PTPRD: variants seen among roughly 807,000 people sequenced by gnomAD.
PTPRD encodes the protein protein tyrosine phosphatase receptor type D.
In PTPRD, 34 loss-of-function variants were observed where a neutral mutation model predicts 214.5. That is an observed-to-expected ratio of 0.16 (90% CI 0.12 to 0.21). The LOEUF (loss-of-function observed/expected upper bound fraction) is 0.21. Among genes scored for constraint, PTPRD ranks in the 10% least tolerant of loss-of-function variants. PTPRD has a pLI of 1.00. For synonymous variants in PTPRD, 1,128 were observed against 845.7 expected (o/e 1.33, Z -5.79); for missense variants, 2,545 against 2,398.7 (o/e 1.06, Z -1.27).
chr9:9,346,056 G>C (rs73393024), intron 9 of PTPRD, among the ~76,000 whole-genome samples: 4,171 of 152,162 alleles, frequency 0.027, 205 homozygotes, highest in African/African-American at 0.095. Context: ...TAGGGGCCGT[G>C]TTCTGGAAGC....
rs114128366 is a variant in PTPRD, at chr9:9,400,517, T to A, written c.-236-3035A>T. Among the ~76,000 whole-genome samples the A allele has an allele frequency of 6.5e-3, 982 of 152,136 alleles. 10 individuals carry two copies. The highest frequency in any genetic ancestry group is 0.021 in the African/African-American group (889 of 41,540). On this transcript the variant is annotated intron_variant, in intron 8 of 45. Transcript: ENST00000381196. ...GTGGATCTAATTCGCTACCTTTATC[T>A]AACCAAAAAAAAAGTTTTTTTTCAG...
At chr9:8,620,477 C>G (rs967487247) in intron 14 of PTPRD, among the ~76,000 whole-genome samples, 16 of 151,916 alleles carry the variant, frequency 1.1e-4, no homozygotes, top group African/African-American at 3.9e-4. Flanking sequence ...TTTATAGTGT[C>G]TAATGTCTTG....
At chr9:9,588,787 A>T (rs766338263) in intron 7 of PTPRD, among the ~76,000 whole-genome samples, 1 of 151,980 alleles carries the variant, frequency 6.6e-6, no homozygotes, top group Non-Finnish European at 1.5e-5. Flanking sequence ...TTTACTCATC[A>T]ATGTCATCAT....
chr9:10,273,357 A>C (rs1311185179), intron 3 of PTPRD, among the ~76,000 whole-genome samples: 3 of 152,140 alleles, frequency 2.0e-5, no homozygotes, highest in Non-Finnish European at 2.9e-5. Context: ...TGTGAAGAAT[A>C]TATTTTTCCA....
chr9:10,058,348 T>A (rs901075022), intron 3 of PTPRD, among the ~76,000 whole-genome samples: 5 of 152,120 alleles, frequency 3.3e-5, no homozygotes, highest in African/African-American at 9.7e-5. Context: ...TCGATAGCTA[T>A]GTTATTTTAA....
intron 3 of PTPRD, among the ~76,000 whole-genome samples, chr9:10,151,059 C>CTTT (rs138485125): frequency 6.0e-4 from 67 of 111,072 alleles, no homozygotes; most frequent in African/African-American, 7.2e-4. Context: ...TTTTTGTTAA[C>CTTT]TTTTTTTTTT....
At position 10,163,267 on chromosome 9, in the gene PTPRD, C is replaced by T. The variant is rs1254179393; in HGVS notation, c.-544-129477G>A. 5.3e-5 allele frequency among the ~76,000 whole-genome samples: 8 copies of T among 151,164 alleles called. No homozygotes were observed. In the East Asian group the frequency reaches 1.4e-3, roughly 26 times the overall value. On this transcript the variant is annotated intron_variant, in intron 3 of 45. Transcript: ENST00000381196. ...TACTTTTTGCTATCTTTTTCCTGGA[C>T]CCTAAATCCACCCTTCATTTCAACT...
intron 5 of PTPRD, among the ~76,000 whole-genome samples, chr9:9,787,226 A>G (rs2098931461): frequency 6.6e-6 from 1 of 151,994 alleles, no homozygotes; most frequent in Admixed American, 6.6e-5. Flanking sequence ...CATTAAAAAA[A>G]AAAGAACAAA....
intron 11 of PTPRD, among the ~76,000 whole-genome samples, chr9:8,914,483 A>G (rs1294695447): frequency 6.6e-6 from 1 of 152,112 alleles, no homozygotes; most frequent in Non-Finnish European, 1.5e-5. Context: ...ATGATTGTTT[A>G]TTTAAAACTT....
chr9:9,123,010 T>C (rs1206693887), intron 10 of PTPRD, among the ~76,000 whole-genome samples: 2 of 152,152 alleles, frequency 1.3e-5, no homozygotes, highest in Admixed American at 1.3e-4. Flanking sequence ...TCACTGTTTT[T>C]GTTGTTGTTG....
Position 8,316,798 on chromosome 9 carries a change from T to TAAAGA in PTPRD, c.*1071_*1075dup. On this transcript the variant is annotated 3_prime_UTR_variant, in exon 46 of 46. Transcript: ENST00000381196. ...CTGATGTGCATTCCTCATTTCCCTT[T>TAAAGA]AAAGAAATACCAATATGTCAAAAAA... 2 of 231,374 alleles carry TAAAGA rather than the reference T, an allele frequency of 8.6e-6. No homozygotes were observed. Among genetic ancestry groups the TAAAGA allele is most frequent in the East Asian group, 1.2e-4 (2 of 16,320 alleles). The allele number at this position is 231,374 out of a possible 1,614,324, so 14.3% of individuals were successfully genotyped here. A position where few individuals can be genotyped will look rare whatever the true frequency, so the allele number is the denominator to read the frequency against.
intron 3 of PTPRD, among the ~76,000 whole-genome samples, chr9:10,180,435 T>C (rs1019025846): frequency 2.0e-5 from 3 of 151,990 alleles, no homozygotes; most frequent in African/African-American, 7.2e-5. Flanking sequence ...CTCAAATAAA[T>C]GTGAAAACTT....
intron 8 of PTPRD, among the ~76,000 whole-genome samples, chr9:9,565,174 TTGTAAA>T (rs1204767745): frequency 1.3e-5 from 2 of 151,850 alleles, no homozygotes; most frequent in African/African-American, 4.8e-5. Flanking sequence ...GAATGAGTAA[TTGTAAA>T]CTAACAATAT....
chr9:9,417,535 ATTCT>A (rs1350507054), intron 8 of PTPRD, among the ~76,000 whole-genome samples: 1 of 152,090 alleles, frequency 6.6e-6, no homozygotes, highest in Non-Finnish European at 1.5e-5. Context: ...ACTCCAGTTC[ATTCT>A]TTCTAATTAG....
chr9:8,669,673 T>C (rs2097240814), intron 12 of PTPRD, among the ~76,000 whole-genome samples: 1 of 152,084 alleles, frequency 6.6e-6, no homozygotes, highest in African/African-American at 2.4e-5. Context: ...TACAGTAAAT[T>C]AGAAGAGTAA....
intron 11 of PTPRD, among the ~76,000 whole-genome samples, chr9:8,906,734 G>A (rs574559363): frequency 6.6e-6 from 1 of 152,024 alleles, no homozygotes; most frequent in Admixed American, 6.5e-5. Context: ...TTATGTTGGG[G>A]AGCTCTCCCA....
chr9:10,099,285 C>T (rs2098527617), intron 3 of PTPRD, among the ~76,000 whole-genome samples: 2 of 151,630 alleles, frequency 1.3e-5, no homozygotes, highest in Non-Finnish European at 3.0e-5. Context: ...CCTAACCTCT[C>T]TATGATTCAG....
rs1188748241 is a variant in PTPRD at position 9,915,007 on chromosome 9, A to C, written c.-368+23500T>G. Among the ~76,000 whole-genome samples the C allele has an allele frequency of 2.0e-5, 3 of 152,296 alleles. No homozygotes were observed. In the East Asian group the frequency reaches 5.8e-4, roughly 30 times the overall value. On this transcript the variant is annotated intron_variant, in intron 5 of 45. Coordinates refer to ENST00000381196, the MANE Select transcript of PTPRD (RefSeq NM_002839.4). ...AAGTTGTTGGACTCACTGTGTGCAC[A>C]CATATGCCCCTGACCTGAAAAATAG...
intron 8 of PTPRD, among the ~76,000 whole-genome samples, chr9:9,553,147 C>T (rs574160189): frequency 7.4e-4 from 113 of 152,108 alleles, no homozygotes; most frequent in Non-Finnish European, 1.2e-3. Context: ...TTACTGCAGT[C>T]GCCTGCTCCT....
Sources: allele counts gnomAD v4.1 joint callset (sites outside exome capture counted in the v4.1 genomes callset), GRCh38; gene constraint gnomAD v4.1.1; transcripts MANE v1.5; gene names NCBI Gene and HGNC (gene_info 2026-07-23, HGNC 2026-07-21).